The following PACS1 variants were observed in gnomAD, a reference collection of about 807,000 sequenced individuals.
The protein encoded by PACS1 is phosphofurin acidic cluster sorting protein 1.
In PACS1, 24 loss-of-function variants were observed where a neutral mutation model predicts 115.0. That is an observed-to-expected ratio of 0.21 (90% CI 0.15 to 0.29). The LOEUF (loss-of-function observed/expected upper bound fraction) is 0.29, where lower values mean the gene tolerates loss of function less well. Among genes scored for constraint, PACS1 ranks in the 10% least tolerant of loss-of-function variants. The pLI is 1.00. For synonymous variants in PACS1, 453 were observed against 504.5 expected, an observed-to-expected ratio of 0.90 and a Z score of 1.37; for missense variants, 838 against 1,251.2, an observed-to-expected ratio of 0.67 and a Z score of 4.98.
At chr11:66,114,010 T>C (rs753678848) in intron 1 of PACS1, among the ~76,000 whole-genome samples, 3 of 152,188 alleles carry the variant, frequency 2.0e-5, no homozygotes, top group African/African-American at 4.8e-5. Context: ...TCGGCAGACA[T>C]TCTTCCAGAT....
intron 2 of PACS1, among the ~76,000 whole-genome samples, chr11:66,201,772 G>A (rs1854804962): frequency 6.6e-6 from 1 of 151,422 alleles, no homozygotes; most frequent in African/African-American, 2.4e-5. Context: ...TGATTCTCCT[G>A]CCTCAGTCTC....
chr11:66,156,121 G>A (rs1393823409), intron 1 of PACS1, among the ~76,000 whole-genome samples: 1 of 147,242 alleles, frequency 6.8e-6, no homozygotes, highest in East Asian at 2.0e-4. Flanking sequence ...TTATTGTGGG[G>A]GTGTTTCCAC....
intron 1 of PACS1, among the ~76,000 whole-genome samples, chr11:66,162,837 A>G (rs1403494859): frequency 6.6e-6 from 1 of 152,246 alleles, no homozygotes; most frequent in African/African-American, 2.4e-5. Context: ...TTAAAATTTT[A>G]TCCGCAGTAA....
Position 66,070,710 on chromosome 11 carries a change from C to G in PACS1, c.224C>G (p.Ser75Cys), listed in dbSNP as rs753656283. ...TCCTCGTCCTCGTCTACCTCCACCT[C>G]CATGGCCGTGGCGGTGGCCTCGGGC... ...ASSSSSSTST[S>C]MAVAVASGSA... is the part of the protein sequence containing the mutation. The change falls in exon 1 of 24, where the codon TCC (serine) becomes TGC (cysteine). Residue 75 changes from serine (S) to cysteine (C), a missense_variant. This residue lies in a region of PACS1 where 129 missense variants were observed against 109.4 expected (regional missense o/e 1.18). Transcript: ENST00000320580. The surrounding 1 kb of genome is among the most constrained non-coding windows in gnomAD (Gnocchi z 5.9). 4.4e-6 allele frequency: 7 copies of G among 1,578,184 alleles called. No homozygotes were observed. In the Admixed American group the frequency reaches 1.2e-4, roughly 27 times the overall value.
chr11:66,173,751 A>G (rs1421899724), intron 1 of PACS1, among the ~76,000 whole-genome samples: 1 of 152,018 alleles, frequency 6.6e-6, no homozygotes, highest in East Asian at 1.9e-4. Flanking sequence ...ACCTCAGTTT[A>G]AAAATGGGCA....
At chr11:66,097,081 A>G (rs1197379125) in intron 1 of PACS1, among the ~76,000 whole-genome samples, 1 of 151,988 alleles carries the variant, frequency 6.6e-6, no homozygotes, top group Non-Finnish European at 1.5e-5. Flanking sequence ...CTTTGTAAGA[A>G]ACTGCCAATT....
At chr11:66,163,788 C>A (rs1278844816) in intron 1 of PACS1, among the ~76,000 whole-genome samples, 2 of 152,002 alleles carry the variant, frequency 1.3e-5, no homozygotes, top group Non-Finnish European at 2.9e-5. Flanking sequence ...ATAGGTCTTG[C>A]CTTGAGGTGG....
intron 1 of PACS1, among the ~76,000 whole-genome samples, chr11:66,098,263 G>A (rs1857831945): frequency 6.6e-6 from 1 of 152,066 alleles, no homozygotes. Context: ...TATATGACGG[G>A]TTAAGTTCTT....
Position 66,235,774 on chromosome 11 carries a change from TG to T in PACS1, c.2208-121del, listed in dbSNP as rs936225737. ...TTCCCCATGCCACCCCAGGATGTGA[TG>T]GGCAGAGGCAGCCCAGCATCCTGGA... On this transcript the variant is annotated intron_variant, in intron 18 of 23. Transcript: ENST00000320580. This position sits in a 1 kb window ranked among gnomAD's most constrained non-coding sequence, Gnocchi z 5.6. The T allele has an allele frequency of 2.1e-4, 179 of 847,620 alleles. No homozygotes were observed. The highest frequency in any genetic ancestry group is 3.4e-4 in the Non-Finnish European group (166 of 485,356). The allele number at this position is 847,620 out of a possible 1,614,324, so 52.5% of individuals were successfully genotyped here.
chr11:66,078,423 A>T lies in PACS1; in HGVS notation c.356+7581A>T, dbSNP rs76983561. On this transcript the variant is annotated intron_variant, in intron 1 of 23. Coordinates refer to ENST00000320580, the MANE Select transcript of PACS1 (RefSeq NM_018026.4). ...AGATCTTTTGGACACATTAGTGGTT[A>T]TGTGATTTCTTTCTAAACTAGTTTT... Among the ~76,000 whole-genome samples, 399 of 152,270 alleles carry T rather than the reference A, an allele frequency of 2.6e-3. 14 individuals carry two copies. In the East Asian group the frequency reaches 0.07, roughly 27 times the overall value.
At chr11:66,183,624 A>G (rs1427387796) in intron 1 of PACS1, among the ~76,000 whole-genome samples, 1 of 152,224 alleles carries the variant, frequency 6.6e-6, no homozygotes, top group Admixed American at 6.5e-5. Context: ...ATTGGGGCTT[A>G]GCCCAGGAAG....
intron 1 of PACS1, among the ~76,000 whole-genome samples, chr11:66,099,916 T>G (rs1203493392): frequency 6.6e-6 from 1 of 151,698 alleles, no homozygotes; most frequent in African/African-American, 2.4e-5. Context: ...TGGCGCAATC[T>G]CGGTTCACCA....
At chr11:66,177,845 A>C (rs1859907012) in intron 1 of PACS1, among the ~76,000 whole-genome samples, 1 of 152,124 alleles carries the variant, frequency 6.6e-6, no homozygotes, top group South Asian at 2.1e-4. Context: ...GCATTTTAAG[A>C]GTGGGAACTT....
At chr11:66,239,308 T>C in intron 21 of PACS1, 31 bp downstream of exon 21, 1 of 1,591,208 alleles carries the variant, frequency 6.3e-7, no homozygotes, top group Non-Finnish European at 8.6e-7. Context: ...TGTCCTGCCA[T>C]GCCCTCCATC....
At chr11:66,111,742 C>T (rs999528369) in intron 1 of PACS1, among the ~76,000 whole-genome samples, 4 of 152,130 alleles carry the variant, frequency 2.6e-5, no homozygotes, top group African/African-American at 9.7e-5. Flanking sequence ...CTCCACCTCC[C>T]GGGTTCAAGT....
chr11:66,233,685 CCT>C lies in PACS1; in HGVS notation c.1839-99_1839-98del. The C allele has an allele frequency of 8.5e-7, 1 of 1,173,288 alleles. No individual in the cohort carries two copies. Among genetic ancestry groups the C allele is most frequent in the Non-Finnish European group, 1.2e-6 (1 of 829,000 alleles). The allele number at this position is 1,173,288 out of a possible 1,614,324, so 72.7% of individuals were successfully genotyped here. ...ATTTTGTGGATTGGTTTGCTTTTCC[CCT>C]GTGGGTTGTTGAGATCACAGAAAGT... On this transcript the variant is annotated intron_variant, in intron 15 of 23. Transcript: ENST00000320580. This position sits in a 1 kb window ranked among gnomAD's most constrained non-coding sequence, Gnocchi z 4.5.
chr11:66,202,742 A>AATATATATATATATATAT (rs56203680), intron 2 of PACS1, among the ~76,000 whole-genome samples: 2 of 71,592 alleles, frequency 2.8e-5, no homozygotes, highest in Non-Finnish European at 2.3e-5. Context: ...AAAAAAAAAA[A>AATATATATATATATATAT]ATATATATAT....
At chr11:66,176,190 TATC>T (rs1419324111) in intron 1 of PACS1, among the ~76,000 whole-genome samples, 1 of 152,174 alleles carries the variant, frequency 6.6e-6, no homozygotes, top group Non-Finnish European at 1.5e-5. Context: ...CCCAGGTAGT[TATC>T]ATAGTACCCA....
intron 1 of PACS1, among the ~76,000 whole-genome samples, chr11:66,149,653 T>C (rs916375607): frequency 4.0e-5 from 6 of 151,512 alleles, no homozygotes; most frequent in Non-Finnish European, 8.8e-5. Flanking sequence ...AACAGCACTT[T>C]CTACATCCAT....
Sources: allele counts gnomAD v4.1 joint callset (sites outside exome capture counted in the v4.1 genomes callset), GRCh38; gene constraint gnomAD v4.1.1; regional missense constraint gnomAD v4.1.1; non-coding constraint Gnocchi (gnomAD v3.1); transcripts MANE v1.5; gene names NCBI Gene and HGNC (gene_info 2026-07-23, HGNC 2026-07-21).